The following NREP variants were observed in gnomAD, a reference collection of about 807,000 sequenced individuals.
The protein encoded by NREP is neuronal regeneration-related protein.
Under a neutral mutation model 8.6 loss-of-function variants are expected in NREP, and 5 were observed. The observed-to-expected ratio is 0.58, with a 90% CI of 0.30 to 1.22. The LOEUF is 1.22. Among genes scored for constraint, NREP ranks in the 50% most tolerant of loss-of-function variants. NREP has a pLI of 0.07. For synonymous variants in NREP, 27 were observed against 28.0 expected (o/e 0.96, Z 0.11); for missense variants, 86 against 82.5 (o/e 1.04, Z -0.17).
At chr5:111,874,953 A>T (rs1753870650) in intron 2 of NREP, among the ~76,000 whole-genome samples, 1 of 152,164 alleles carries the variant, frequency 6.6e-6, no homozygotes, top group South Asian at 2.1e-4. Flanking sequence ...TTGGACTCCA[A>T]ACTGTTAAGA....
intron 2 of NREP, among the ~76,000 whole-genome samples, chr5:111,807,598 A>T (rs1228498138): frequency 6.6e-6 from 1 of 152,172 alleles, no homozygotes; most frequent in Non-Finnish European, 1.5e-5. Context: ...TCAATTTTAT[A>T]AGATAGGATT....
chr5:111,822,239 G>A (rs1365385682), intron 2 of NREP, among the ~76,000 whole-genome samples: 1 of 152,158 alleles, frequency 6.6e-6, no homozygotes, highest in Non-Finnish European at 1.5e-5. Context: ...AGGTCCTGGA[G>A]AGAAGGGGAA....
intron 2 of NREP, among the ~76,000 whole-genome samples, chr5:111,932,544 C>T (rs1171233797): frequency 6.6e-6 from 1 of 152,048 alleles, no homozygotes; most frequent in Non-Finnish European, 1.5e-5. Context: ...AAGATCAGGA[C>T]TTGTCTTCAA....
intron 2 of NREP, among the ~76,000 whole-genome samples, chr5:111,940,541 G>A (rs560877583): frequency 6.6e-6 from 1 of 152,170 alleles, no homozygotes; most frequent in South Asian, 2.1e-4. Context: ...ACGTTGGAGA[G>A]AAGAGCTAAA....
chr5:111,874,359 C>A (rs1031730128), intron 2 of NREP, among the ~76,000 whole-genome samples: 1 of 152,182 alleles, frequency 6.6e-6, no homozygotes, highest in Non-Finnish European at 1.5e-5. Flanking sequence ...AAAGTATAAA[C>A]TCTTTCACTT....
At chr5:111,922,775 C>T (rs1755281331) in intron 2 of NREP, among the ~76,000 whole-genome samples, 1 of 152,176 alleles carries the variant, frequency 6.6e-6, no homozygotes, top group Non-Finnish European at 1.5e-5. Context: ...CCTCTGACTG[C>T]AACCATCCTG....
At chr5:111,738,196 A>C (rs1749321758) in intron 2 of NREP, 1 of 152,220 alleles carries the variant, frequency 6.6e-6, no homozygotes. Flanking sequence ...TCTGCATTAC[A>C]GCATTGTTCT....
At chr5:111,822,061 T>C (rs1205207540) in intron 2 of NREP, among the ~76,000 whole-genome samples, 1 of 152,184 alleles carries the variant, frequency 6.6e-6, no homozygotes, top group African/African-American at 2.4e-5. Flanking sequence ...GTTAATCAAA[T>C]TTTGAATCAG....
chr5:111,952,328 T>C (rs1395955295), intron 2 of NREP, among the ~76,000 whole-genome samples: 1 of 152,132 alleles, frequency 6.6e-6, no homozygotes, highest in Non-Finnish European at 1.5e-5. Flanking sequence ...ATCTGTGCCT[T>C]TGGATGCTCC....
intron 2 of NREP, among the ~76,000 whole-genome samples, chr5:111,971,419 C>T (rs1385069311): frequency 6.6e-6 from 1 of 151,864 alleles, no homozygotes; most frequent in East Asian, 1.9e-4. Flanking sequence ...AAAAACTAAA[C>T]AAATAAAAAA....
chr5:111,969,121 G>A (rs1048985578), intron 2 of NREP, among the ~76,000 whole-genome samples: 5 of 152,208 alleles, frequency 3.3e-5, no homozygotes, highest in African/African-American at 1.2e-4. Flanking sequence ...ATCAAATACT[G>A]ATTAATGGAA....
chr5:111,861,367 G>A (rs4957622), intron 2 of NREP, among the ~76,000 whole-genome samples: 1 of 152,120 alleles, frequency 6.6e-6, no homozygotes, highest in African/African-American at 2.4e-5. Context: ...CTACTGATAC[G>A]CCAGGGAAAA....
chr5:111,968,080 G>C (rs1408252528), intron 2 of NREP, among the ~76,000 whole-genome samples: 2 of 151,762 alleles, frequency 1.3e-5, no homozygotes, highest in East Asian at 1.9e-4. Flanking sequence ...AAACAAAAAG[G>C]CTTTTCAAGC....
intron 2 of NREP, among the ~76,000 whole-genome samples, chr5:111,884,803 T>A (rs182685756): frequency 6.6e-6 from 1 of 152,286 alleles, no homozygotes; most frequent in East Asian, 1.9e-4. Flanking sequence ...CTCAATAAAT[T>A]AGGTTTTGAT....
chr5:111,784,940 G>T (rs2047516), intron 2 of NREP, among the ~76,000 whole-genome samples: 10 of 152,278 alleles, frequency 6.6e-5, no homozygotes, highest in Admixed American at 2.0e-4. Flanking sequence ...GCTTGAGCAG[G>T]GGGGAGCTGC....
chr5:111,925,652 G>A (rs190027332), intron 2 of NREP, among the ~76,000 whole-genome samples: 11 of 152,176 alleles, frequency 7.2e-5, no homozygotes, highest in African/African-American at 2.7e-4. Context: ...AGGAGACAGG[G>A]AAGTATGTTT....
chr5:111,886,209 C>A (rs1367663479), intron 2 of NREP, among the ~76,000 whole-genome samples: 9 of 152,232 alleles, frequency 5.9e-5, no homozygotes, highest in South Asian at 4.1e-4. Flanking sequence ...CAGCCAAAAA[C>A]CACATGAAAA....
At position 111,834,886 on chromosome 5, in the gene NREP, G is replaced by C. The variant is rs192434820; in HGVS notation, c.136-99379C>G. ...GAAGTTTCTTTTCCTCCCTATGTTTGCTTTAGCAGGAGGTTCAGACCAGGA... is the reference window on the plus strand; with the variant it reads ...GAAGTTTCTTTTCCTCCCTATGTTTCCTTTAGCAGGAGGTTCAGACCAGGA... On this transcript the variant is annotated intron_variant, in intron 2 of 3. Transcript: ENST00000395634. Among the ~76,000 whole-genome samples the C allele has an allele frequency of 7.9e-5, 12 of 152,210 alleles. No homozygotes were observed. The East Asian group carries it at 1.9e-3, about 24-fold the overall frequency.
chr5:111,901,373 A>C (rs1754642593), intron 2 of NREP, among the ~76,000 whole-genome samples: 1 of 152,182 alleles, frequency 6.6e-6, no homozygotes, highest in Non-Finnish European at 1.5e-5. Context: ...CTAACATCAC[A>C]CAGAATGAGG....
Sources: allele counts gnomAD v4.1 joint callset (sites outside exome capture counted in the v4.1 genomes callset), GRCh38; gene constraint gnomAD v4.1.1; transcripts MANE v1.5; gene names NCBI Gene and HGNC (gene_info 2026-07-23, HGNC 2026-07-21).